Variants in CMIP observed in about 807,000 individuals in gnomAD.
The protein encoded by CMIP is C-Maf-inducing protein.
A neutral mutation model predicts 97.3 loss-of-function variants in CMIP; 13 were observed. That is an observed-to-expected ratio of 0.13 (90% confidence interval 0.09 to 0.21). The LOEUF (loss-of-function observed/expected upper bound fraction) is 0.21. Among genes scored for constraint, CMIP ranks in the 10% least tolerant of loss-of-function variants. The pLI is 1.00. For missense variants in CMIP, 847 were observed against 1,024.9 expected, an observed-to-expected ratio of 0.83 and a Z score of 2.37; for synonymous variants, 538 against 436.3, an observed-to-expected ratio of 1.23 and a Z score of -2.91.
chr16:81,676,785 G>A (rs909822499), intron 9 of CMIP, among the ~76,000 whole-genome samples: 3 of 152,174 alleles, frequency 2.0e-5, no homozygotes, highest in Non-Finnish European at 4.4e-5. Flanking sequence ...AGCCCTTGGA[G>A]GGGCTATTCA....
chr16:81,461,655 A>G (rs1332211988), intron 1 of CMIP, among the ~76,000 whole-genome samples: 1 of 152,198 alleles, frequency 6.6e-6, no homozygotes, highest in Non-Finnish European at 1.5e-5. Flanking sequence ...CCTTCTCCAC[A>G]CCAGGGTGTT....
chr16:81,625,721 G>A (rs1223452931), intron 3 of CMIP, among the ~76,000 whole-genome samples: 1 of 152,216 alleles, frequency 6.6e-6, no homozygotes. Flanking sequence ...GCTGTGAGGA[G>A]ACACACACCA....
At chr16:81,545,124 C>T (rs1392459999) in intron 1 of CMIP, among the ~76,000 whole-genome samples, 1 of 152,194 alleles carries the variant, frequency 6.6e-6, no homozygotes, top group Non-Finnish European at 1.5e-5. Flanking sequence ...GTTCCCCTTT[C>T]CGCTTTCCCT....
intron 3 of CMIP, among the ~76,000 whole-genome samples, chr16:81,648,522 G>A (rs1037843535): frequency 6.6e-6 from 1 of 152,096 alleles, no homozygotes; most frequent in Non-Finnish European, 1.5e-5. Flanking sequence ...AGTGGCTGCC[G>A]CCTGTAATCC....
intron 3 of CMIP, chr16:81,631,753 C>T (rs1409602702): frequency 3.3e-5 from 5 of 152,208 alleles, no homozygotes; most frequent in African/African-American, 1.2e-4. Flanking sequence ...GGGGCTGTTA[C>T]GAATAGACCA....
At chr16:81,545,886 T>C (rs9931605) in intron 1 of CMIP, among the ~76,000 whole-genome samples, 28,753 of 152,024 alleles carry the variant, frequency 0.19, 2,820 homozygotes, top group East Asian at 0.26. Context: ...CCCACATGCC[T>C]GTAAGAGAAT....
intron 2 of CMIP, among the ~76,000 whole-genome samples, chr16:81,612,753 G>T (rs1052123951): frequency 3.9e-5 from 6 of 152,186 alleles, no homozygotes; most frequent in African/African-American, 1.4e-4. Context: ...CCAGCTGCCC[G>T]CAGGCTTCCG....
At chr16:81,703,782 A>C in intron 17 of CMIP, 157 bp from the exon 18 acceptor site, 3 of 968,234 alleles carry the variant, frequency 3.1e-6, no homozygotes, top group South Asian at 1.8e-5. Context: ...GGCCCATCCC[A>C]CCGAGCTGTG....
At chr16:81,534,950 TTTTG>T (rs1436792197) in intron 1 of CMIP, among the ~76,000 whole-genome samples, 1 of 152,126 alleles carries the variant, frequency 6.6e-6, no homozygotes, top group African/African-American at 2.4e-5. Flanking sequence ...CTTCATAGTG[TTTTG>T]TTTGTTTGTT....
At chr16:81,459,011 AC>A in intron 1 of CMIP, among the ~76,000 whole-genome samples, 1 of 151,344 alleles carries the variant, frequency 6.6e-6, no homozygotes, top group East Asian at 1.9e-4. Flanking sequence ...CATCACCGTC[AC>A]CGTCACCATC....
At chr16:81,633,670 C>G (rs994627020) in intron 3 of CMIP, among the ~76,000 whole-genome samples, 1 of 152,176 alleles carries the variant, frequency 6.6e-6, no homozygotes, top group Non-Finnish European at 1.5e-5. Context: ...GGACAGAGAC[C>G]CCCTTTCAGA....
At chr16:81,660,731 C>CT (rs66465921) in intron 5 of CMIP, among the ~76,000 whole-genome samples, 153 bp from the exon 6 acceptor site, 25,236 of 151,212 alleles carry the variant, frequency 0.17, 2,422 homozygotes, top group East Asian at 0.41. Context: ...TTTTTCTTTT[C>CT]TTTTTTTTTC....
chr16:81,473,408 C>T (rs188935401), intron 1 of CMIP, among the ~76,000 whole-genome samples: 121 of 152,264 alleles, frequency 7.9e-4, no homozygotes, highest in African/African-American at 2.8e-3. Context: ...GAGGCTGTTG[C>T]CCAAGTCAAC....
In CMIP at chr16:81,623,075, G is replaced by A. The variant is rs190628133; in HGVS notation, c.477+2149G>A. Among the ~76,000 whole-genome samples, 1,165 of 152,266 alleles carry A rather than the reference G, an allele frequency of 7.7e-3. 11 individuals carry two copies. The highest frequency in any genetic ancestry group is 0.027 in the Middle Eastern group (8 of 294). On this transcript the variant is annotated intron_variant, in intron 3 of 20. Transcript: ENST00000537098. ...AAAAATTAGCCGGGCGTAGTGGTGCGCCCATGTGGTCCCAGCTACTTGGGA... is the reference window on the plus strand; with the variant it reads ...AAAAATTAGCCGGGCGTAGTGGTGCACCCATGTGGTCCCAGCTACTTGGGA...
At chr16:81,605,786 T>G (rs531557556) in intron 1 of CMIP, among the ~76,000 whole-genome samples, 8 of 152,374 alleles carry the variant, frequency 5.3e-5, no homozygotes, top group Admixed American at 2.6e-4. Context: ...ATTTAGATAT[T>G]TTGTTTGTTG....
chr16:81,538,353 G>A (rs2090386498), intron 1 of CMIP, among the ~76,000 whole-genome samples: 1 of 152,240 alleles, frequency 6.6e-6, no homozygotes, highest in African/African-American at 2.4e-5. Flanking sequence ...AACACTGAGA[G>A]AAGGCTGCCG....
Position 81,705,567 on chromosome 16 carries a change from G to A in CMIP, c.2160G>A (p.Glu720=), listed in dbSNP as rs1597279882. Residue 720 remains glutamate, a synonymous_variant, in exon 19 of 21, where the codon GAG becomes GAA. Coordinates refer to ENST00000537098, the MANE Select transcript of CMIP (RefSeq NM_198390.3). Reference sequence around the variant, plus strand: ...TGCTCCAGGTGCTGAACCTGTGCGAGACCCCGGTCACAGACGCTGGCCTGC... The same window carrying A: ...TGCTCCAGGTGCTGAACCTGTGCGAAACCCCGGTCACAGACGCTGGCCTGC... The part of the protein sequence containing the change: ...LTMLQVLNLC[E]TPVTDAGLLA... 1.9e-6 allele frequency: 3 copies of A among 1,608,796 alleles called. No individual in the cohort carries two copies. Among genetic ancestry groups the A allele is most frequent in the Admixed American group, 1.7e-5 (1 of 59,682 alleles).
At chr16:81,679,878 C>G (rs1904692202) in intron 10 of CMIP, among the ~76,000 whole-genome samples, 1 of 152,184 alleles carries the variant, frequency 6.6e-6, no homozygotes, top group African/African-American at 2.4e-5. Flanking sequence ...TGACTGTTCC[C>G]TTCTGCCCCC....
At chr16:81,513,419 C>T (rs992768449) in intron 1 of CMIP, among the ~76,000 whole-genome samples, 9 of 152,234 alleles carry the variant, frequency 5.9e-5, no homozygotes, top group African/African-American at 2.2e-4. Flanking sequence ...GAGTGAATGA[C>T]AGGACTGCAA....
Sources: gnomAD v4.1 joint callset for allele counts (sites outside exome capture counted in the v4.1 genomes callset) on GRCh38, gnomAD v4.1.1 for gene constraint, MANE v1.5 for transcripts, NCBI Gene and HGNC (gene_info 2026-07-23, HGNC 2026-07-21) for gene names.